The following ADAM2 variants were observed in gnomAD, a reference collection of about 807,000 sequenced individuals.
ADAM2 encodes ADAM metallopeptidase domain 2.
A neutral mutation model predicts 99.3 loss-of-function variants in ADAM2; 101 were observed. That is an observed-to-expected ratio of 1.02 (90% confidence interval 0.87 to 1.20). The LOEUF (loss-of-function observed/expected upper bound fraction) is 1.20, where lower values mean the gene tolerates loss of function less well. ADAM2 is among the 50% of genes most tolerant of loss of function. The probability of loss-of-function intolerance (pLI) is 0.00; values close to 1 mark genes in which losing one functional copy is unlikely to be tolerated. For missense variants in ADAM2, 948 were observed against 878.7 expected, an observed-to-expected ratio of 1.08 and a Z score of -1.00; for synonymous variants, 323 against 287.6, an observed-to-expected ratio of 1.12 and a Z score of -1.25.
chr8:39,764,807 A>C lies in ADAM2; in HGVS notation c.1507+2041T>G, dbSNP rs1252869056. Among the ~76,000 whole-genome samples the C allele has an allele frequency of 4.6e-5, 7 of 152,120 alleles. No homozygotes were observed. In the South Asian group the frequency reaches 1.0e-3, roughly 22 times the overall value. Reference sequence around the variant, plus strand: ...GGCAGGCAGATCACCTGTGGTCAGGAGTTCGAGACCAGCCTGGCCAACATG... The same window carrying C: ...GGCAGGCAGATCACCTGTGGTCAGGCGTTCGAGACCAGCCTGGCCAACATG... On this transcript the variant is annotated intron_variant, in intron 14 of 20. Coordinates refer to ENST00000265708, the MANE Select transcript of ADAM2 (RefSeq NM_001464.5).
intron 4 of ADAM2, among the ~76,000 whole-genome samples, chr8:39,822,495 A>C (rs1805231730): frequency 6.9e-6 from 1 of 144,966 alleles, no homozygotes; most frequent in African/African-American, 2.8e-5. Flanking sequence ...TTTTATTTTT[A>C]TCAGTCAGTT....
At chr8:39,798,912 T>C (rs1804088717) in intron 7 of ADAM2, among the ~76,000 whole-genome samples, 1 of 152,124 alleles carries the variant, frequency 6.6e-6, no homozygotes, top group Admixed American at 6.6e-5. Flanking sequence ...TTTTATTGTG[T>C]CTGGTTCTTC....
chr8:39,802,428 G>GC (rs1490639430), intron 7 of ADAM2, among the ~76,000 whole-genome samples: 1 of 151,930 alleles, frequency 6.6e-6, no homozygotes, highest in African/African-American at 2.4e-5. Flanking sequence ...GGCCATCTTG[G>GC]CCCCCCCACC....
At chr8:39,750,342 C>T (rs1164976930) in intron 16 of ADAM2, among the ~76,000 whole-genome samples, 2 of 152,062 alleles carry the variant, frequency 1.3e-5, no homozygotes, top group African/African-American at 2.4e-5. Flanking sequence ...ACACAAATCT[C>T]ATCTTGTTCA....
chr8:39,801,418 G>A (rs866243840), intron 7 of ADAM2, among the ~76,000 whole-genome samples: 1 of 152,124 alleles, frequency 6.6e-6, no homozygotes, highest in Non-Finnish European at 1.5e-5. Context: ...TGACCTTGAG[G>A]GGCACCAACC....
At chr8:39,784,235 T>C (rs1306593881) in intron 10 of ADAM2, among the ~76,000 whole-genome samples, 1 of 152,192 alleles carries the variant, frequency 6.6e-6, no homozygotes, top group African/African-American at 2.4e-5. Flanking sequence ...GCAAAATAAC[T>C]GTGGAGAATA....
At chr8:39,767,462 TA>T (rs1400983998) in intron 12 of ADAM2, among the ~76,000 whole-genome samples, 1 of 152,216 alleles carries the variant, frequency 6.6e-6, no homozygotes, top group African/African-American at 2.4e-5. Context: ...CATATTGCTA[TA>T]ATAGGTTTGG....
At chr8:39,757,167 C>T (rs1274168583) in intron 15 of ADAM2, among the ~76,000 whole-genome samples, 1 of 152,066 alleles carries the variant, frequency 6.6e-6, no homozygotes, top group Non-Finnish European at 1.5e-5. Flanking sequence ...AACTGGCATA[C>T]TCCACAATTT....
chr8:39,763,344 T>C (rs934664369), intron 14 of ADAM2, among the ~76,000 whole-genome samples: 2 of 152,168 alleles, frequency 1.3e-5, no homozygotes, highest in South Asian at 4.1e-4. Flanking sequence ...GTGCAAAAAC[T>C]GCATCCTGGG....
chr8:39,821,554 A>G (rs1805188872), intron 5 of ADAM2, 32 bp downstream of exon 5: 1 of 1,428,008 alleles, frequency 7.0e-7, no homozygotes, highest in African/African-American at 1.4e-5. Context: ...TAAATATTTT[A>G]TTTTGTAATT....
intron 7 of ADAM2, among the ~76,000 whole-genome samples, chr8:39,803,891 C>T (rs1804318719): frequency 6.6e-6 from 1 of 152,124 alleles, no homozygotes; most frequent in Non-Finnish European, 1.5e-5. Context: ...TGGGAGAATA[C>T]TTATTTGCTG....
At chr8:39,764,522 ATAGTTACCATCT>A (rs1360999920) in intron 14 of ADAM2, among the ~76,000 whole-genome samples, 1 of 152,166 alleles carries the variant, frequency 6.6e-6, no homozygotes, top group East Asian at 1.9e-4. Flanking sequence ...CATCTCTCTC[ATAGTTACCATCT>A]GCCTATATAA....
intron 10 of ADAM2, among the ~76,000 whole-genome samples, chr8:39,783,702 G>A (rs1038991851): frequency 4.0e-5 from 6 of 151,888 alleles, no homozygotes; most frequent in African/African-American, 7.3e-5. Flanking sequence ...CTGTAATCCC[G>A]GCACTTTGGG....
chr8:39,804,886 ACTT>A (rs1804373518), intron 7 of ADAM2, among the ~76,000 whole-genome samples: 2 of 152,274 alleles, frequency 1.3e-5, no homozygotes, highest in Admixed American at 6.5e-5. Context: ...CTTAGAGTAT[ACTT>A]CTTCTCTACT....
Position 39,788,483 on chromosome 8 carries a change from TAA to T in ADAM2, c.642+184_642+185del, listed in dbSNP as rs1382509018. ...CCCATACCCCATGCTTTATATAATTTAAGTCTTACAGTAGCCAAATTATGTGC... is the reference window on the plus strand; with the variant it reads ...CCCATACCCCATGCTTTATATAATTTGTCTTACAGTAGCCAAATTATGTGC... On this transcript the variant is annotated intron_variant, in intron 8 of 20. Transcript: ENST00000265708. 8.6e-5 allele frequency among the ~76,000 whole-genome samples: 13 copies of T among 151,978 alleles called. No homozygotes were observed. In the East Asian group the frequency reaches 2.1e-3, roughly 25 times the overall value.
At chr8:39,776,651 C>G (rs1803001630) in intron 11 of ADAM2, among the ~76,000 whole-genome samples, 1 of 152,090 alleles carries the variant, frequency 6.6e-6, no homozygotes, top group African/African-American at 2.4e-5. Context: ...TCAACAGATG[C>G]TGAGACTTCA....
chr8:39,771,781 A>G (rs1012286999), intron 11 of ADAM2, among the ~76,000 whole-genome samples: 7 of 152,144 alleles, frequency 4.6e-5, no homozygotes, highest in Non-Finnish European at 7.4e-5. Flanking sequence ...AAGAATTCAA[A>G]TGATTACTAT....
intron 7 of ADAM2, among the ~76,000 whole-genome samples, chr8:39,800,269 C>G (rs373410266): frequency 6.6e-6 from 1 of 152,046 alleles, no homozygotes; most frequent in African/African-American, 2.4e-5. Flanking sequence ...ACTTTTATTT[C>G]TTTTTCACTT....
intron 14 of ADAM2, among the ~76,000 whole-genome samples, chr8:39,763,291 G>C (rs1322972087): frequency 6.6e-6 from 1 of 152,084 alleles, no homozygotes; most frequent in Non-Finnish European, 1.5e-5. Context: ...CCTTAAATGA[G>C]AACAAACTTG....
Sources: gnomAD v4.1 joint callset for allele counts (sites outside exome capture counted in the v4.1 genomes callset) on GRCh38, gnomAD v4.1.1 for gene constraint, MANE v1.5 for transcripts, NCBI Gene and HGNC (gene_info 2026-07-23, HGNC 2026-07-21) for gene names.